The following ROBO1 variants were observed in gnomAD, a reference collection of about 807,000 sequenced individuals.
ROBO1 encodes roundabout homolog 1.
Under a neutral mutation model 195.9 loss-of-function variants are expected in ROBO1, and 149 were observed. The observed-to-expected ratio is 0.76, with a 90% CI of 0.67 to 0.87. The LOEUF (loss-of-function observed/expected upper bound fraction) is 0.87. Ranked by LOEUF, ROBO1 falls within the 40% of genes least tolerant of loss-of-function variation. The pLI is 0.00. For synonymous variants in ROBO1, 816 were observed against 733.2 expected (o/e 1.11, Z -1.82); for missense variants, 1,933 against 2,068.3 (o/e 0.93, Z 1.27).
chr3:79,697,541 G>A (rs1431365502), intron 1 of ROBO1, among the ~76,000 whole-genome samples: 1 of 150,990 alleles, frequency 6.6e-6, no homozygotes, highest in Non-Finnish European at 1.5e-5. Context: ...GCCTAAAACT[G>A]AAATATTTTA....
intron 1 of ROBO1, among the ~76,000 whole-genome samples, chr3:79,718,683 G>A (rs1313821839): frequency 6.6e-6 from 1 of 151,938 alleles, no homozygotes; most frequent in African/African-American, 2.4e-5. Flanking sequence ...TAGAAAATGG[G>A]CATGGAAATA....
intron 5 of ROBO1, among the ~76,000 whole-genome samples, chr3:78,722,277 C>A (rs560761726): frequency 6.6e-6 from 1 of 152,058 alleles, no homozygotes; most frequent in African/African-American, 2.4e-5. Flanking sequence ...TTGAAAGTAA[C>A]CCACCAGGCA....
intron 2 of ROBO1, among the ~76,000 whole-genome samples, chr3:79,289,923 ATAGT>A (rs1216561793): frequency 2.6e-5 from 4 of 152,180 alleles, no homozygotes; most frequent in Admixed American, 6.5e-5. Context: ...TGCAGTTTCA[ATAGT>A]TAAATGGTCT....
chr3:78,788,240 C>G (rs982669071), intron 4 of ROBO1, among the ~76,000 whole-genome samples: 1 of 151,578 alleles, frequency 6.6e-6, no homozygotes, highest in East Asian at 1.9e-4. Context: ...CTCAGCCTCC[C>G]GAGTAGCTGG....
chr3:79,724,614 T>A (rs1039220349), intron 1 of ROBO1, among the ~76,000 whole-genome samples: 9 of 152,194 alleles, frequency 5.9e-5, no homozygotes, highest in African/African-American at 2.2e-4. Flanking sequence ...GGCCAACAGC[T>A]GGCAAGAAAC....
At chr3:79,657,992 A>C (rs1251324473) in intron 1 of ROBO1, among the ~76,000 whole-genome samples, 1 of 152,110 alleles carries the variant, frequency 6.6e-6, no homozygotes, top group East Asian at 1.9e-4. Flanking sequence ...CAGGTGGCTG[A>C]ATATAGGAAA....
rs139639880 is a variant in ROBO1, at chr3:78,612,094, A to T, written c.4435+2554T>A. Reference sequence around the variant, plus strand: ...ATCCGTTCAGACATGGCCACTCTTTATCCTTCTTTATATAGTTTTTAAAGA... The same window carrying T: ...ATCCGTTCAGACATGGCCACTCTTTTTCCTTCTTTATATAGTTTTTAAAGA... On this transcript the variant is annotated intron_variant, in intron 28 of 30. Transcript: ENST00000464233. 3.3e-3 allele frequency among the ~76,000 whole-genome samples: 508 copies of T among 152,322 alleles called. 4 individuals are homozygous for T. Among genetic ancestry groups the T allele is most frequent in the African/African-American group, 0.011 (444 of 41,578 alleles).
intron 1 of ROBO1, among the ~76,000 whole-genome samples, chr3:79,668,285 T>C (rs1312601023): frequency 6.6e-6 from 1 of 151,526 alleles, no homozygotes. Context: ...GCATGGTTCC[T>C]TCCATGAAAA....
chr3:79,170,222 A>G (rs2081142983), intron 2 of ROBO1, among the ~76,000 whole-genome samples: 1 of 152,134 alleles, frequency 6.6e-6, no homozygotes, highest in Non-Finnish European at 1.5e-5. Flanking sequence ...CCAGGGCCTC[A>G]TTTACCTACT....
intron 3 of ROBO1, among the ~76,000 whole-genome samples, chr3:79,052,747 C>A (rs1272456794): frequency 1.3e-5 from 2 of 152,234 alleles, no homozygotes; most frequent in East Asian, 3.9e-4. Flanking sequence ...CCCCTGACAT[C>A]TGGCACCCAC....
chr3:79,147,261 G>A (rs2080671479), intron 2 of ROBO1, among the ~76,000 whole-genome samples: 1 of 151,976 alleles, frequency 6.6e-6, no homozygotes, highest in Admixed American at 6.6e-5. Flanking sequence ...GTGCCTGCCT[G>A]AGAGATACTT....
At position 78,660,951 on chromosome 3, in the gene ROBO1, A is replaced by G. The variant is rs1337071160; in HGVS notation, c.2320+79T>C. The G allele has an allele frequency of 4.2e-6, 4 of 950,228 alleles. No individual in the cohort carries two copies. In the Admixed American group the frequency reaches 1.0e-4, roughly 25 times the overall value. The allele number at this position is 950,228 out of a possible 1,614,324, so 58.9% of individuals were successfully genotyped here. ...AGTAATTAATGCCACTATTAACATT[A>G]TAACAATTTAAATTAAGCTAATAAA... On this transcript the variant is annotated intron_variant, in intron 16 of 30. Transcript: ENST00000464233.
chr3:79,202,552 G>A (rs2081786733), intron 2 of ROBO1, among the ~76,000 whole-genome samples: 1 of 149,870 alleles, frequency 6.7e-6, no homozygotes, highest in Non-Finnish European at 1.5e-5. Context: ...ATCAGAAATG[G>A]AGTTGAGATC....
intron 2 of ROBO1, among the ~76,000 whole-genome samples, chr3:79,409,072 A>C (rs761672744): frequency 8.5e-5 from 13 of 152,154 alleles, no homozygotes; most frequent in Non-Finnish European, 1.6e-4. Flanking sequence ...AATTATAAAT[A>C]GATGCAAAAA....
intron 7 of ROBO1, among the ~76,000 whole-genome samples, chr3:78,716,985 T>C (rs1460037512): frequency 6.6e-6 from 1 of 152,086 alleles, no homozygotes; most frequent in Non-Finnish European, 1.5e-5. Flanking sequence ...AAAAAACTAG[T>C]ATTAACTGTC....
At chr3:78,655,113 A>G (rs1272944824) in intron 18 of ROBO1, among the ~76,000 whole-genome samples, 2 of 151,754 alleles carry the variant, frequency 1.3e-5, no homozygotes, top group Non-Finnish European at 2.9e-5. Context: ...ATATATAATC[A>G]TTGGTTTTTT....
chr3:79,024,994 A>G (rs1027229719), intron 3 of ROBO1, among the ~76,000 whole-genome samples: 1 of 152,088 alleles, frequency 6.6e-6, no homozygotes, highest in African/African-American at 2.4e-5. Context: ...TTCCTGTCTT[A>G]CTTTAAGTGA....
chr3:78,963,962 A>G (rs2041540429), intron 3 of ROBO1, among the ~76,000 whole-genome samples: 1 of 152,200 alleles, frequency 6.6e-6, no homozygotes, highest in African/African-American at 2.4e-5. Flanking sequence ...TGAATTCCTC[A>G]CAGCTCTGGA....
At position 78,938,894 on chromosome 3, in the gene ROBO1, C is replaced by A. The variant is rs377370843; in HGVS notation, c.206G>T (p.Arg69Leu). 6.2e-7 allele frequency: 1 copy of A among 1,610,592 alleles called. No homozygotes were observed. Among genetic ancestry groups the A allele is most frequent in the African/African-American group, 1.3e-5 (1 of 74,870 alleles). The change falls in exon 4 of 31, where the codon CGC becomes CTC. Residue 69 changes from arginine (R) to leucine (L), a missense_variant. By Grantham distance (102) the Arg-to-Leu change is moderately radical. This residue lies in a region of ROBO1 where 185 missense variants were observed against 159.5 expected (regional missense o/e 1.16). Coordinates refer to ENST00000464233, the MANE Select transcript of ROBO1 (RefSeq NM_002941.4). ...SRLRQEDFPP[R>L]IVEHPSDLIV... Reference sequence around the variant, plus strand: ...CAGGTCTGAAGGGTGTTCAACAATGCGAGGTGGAAAATCTTCCTGACGAAG... The same window carrying A: ...CAGGTCTGAAGGGTGTTCAACAATGAGAGGTGGAAAATCTTCCTGACGAAG...
Sources: allele counts gnomAD v4.1 joint callset (sites outside exome capture counted in the v4.1 genomes callset), GRCh38; gene constraint gnomAD v4.1.1; regional missense constraint gnomAD v4.1.1; transcripts MANE v1.5; gene names NCBI Gene and HGNC (gene_info 2026-07-23, HGNC 2026-07-21).